ARHGAP8: variants seen among roughly 807,000 people sequenced by gnomAD.
ARHGAP8 encodes the protein Rho GTPase activating protein 8.
A neutral mutation model predicts 46.1 loss-of-function variants in ARHGAP8; 62 were observed. The observed-to-expected ratio is 1.34, with a 90% CI of 1.10 to 1.66. The LOEUF is 1.66. Ranked by LOEUF, ARHGAP8 falls within the 40% of genes most tolerant of loss-of-function variation. The probability of loss-of-function intolerance (pLI) is 0.00; values close to 1 mark genes in which losing one functional copy is unlikely to be tolerated. For synonymous variants in ARHGAP8, 375 were observed against 243.1 expected (o/e 1.54, Z -5.05); for missense variants, 923 against 568.4 (o/e 1.62, Z -6.34).
At chr22:44,860,116 G>T (rs796303866) in intron 11 of ARHGAP8, among the ~76,000 whole-genome samples, 1 of 152,094 alleles carries the variant, frequency 6.6e-6, no homozygotes, top group East Asian at 1.9e-4. Flanking sequence ...GGGGTCCTCT[G>T]CCCCCATGTC....
At chr22:44,857,902 A>C (rs528268342) in intron 10 of ARHGAP8, among the ~76,000 whole-genome samples, 2 of 144,082 alleles carry the variant, frequency 1.4e-5, no homozygotes, top group African/African-American at 5.2e-5. Context: ...CGCTCAGCTC[A>C]CCAGTCCTGC....
intron 10 of ARHGAP8, among the ~76,000 whole-genome samples, chr22:44,855,750 C>T (rs190375283): frequency 1.1e-3 from 168 of 152,306 alleles, no homozygotes; most frequent in African/African-American, 3.4e-3. Context: ...AGTTACCCCA[C>T]AGATAGCCAA....
chr22:44,855,889 G>T (rs887617855), intron 10 of ARHGAP8, among the ~76,000 whole-genome samples: 1 of 152,220 alleles, frequency 6.6e-6, no homozygotes, highest in African/African-American at 2.4e-5. Context: ...TCATGTTTCT[G>T]TAGGCTTTAT....
chr22:44,758,585 T>TA (rs1924874961), intron 1 of ARHGAP8, among the ~76,000 whole-genome samples: 1 of 151,524 alleles, frequency 6.6e-6, no homozygotes, highest in Non-Finnish European at 1.5e-5. Context: ...GTGGCTCACT[T>TA]ACTTTGTGCA....
intron 1 of ARHGAP8, chr22:44,786,182 G>A (rs576646839): frequency 8.2e-5 from 45 of 551,992 alleles, no homozygotes; most frequent in Non-Finnish European, 1.4e-4. Flanking sequence ...ATGGGTGCTC[G>A]GCTGAGGTAG....
intron 4 of ARHGAP8, among the ~76,000 whole-genome samples, chr22:44,811,082 GC>G (rs1929301021): frequency 1.3e-5 from 2 of 152,210 alleles, no homozygotes; most frequent in African/African-American, 4.8e-5. Context: ...CCAGAAATCA[GC>G]CCAGAGAAAC....
intron 1 of ARHGAP8, among the ~76,000 whole-genome samples, chr22:44,775,640 G>T (rs1262138956): frequency 3.3e-5 from 5 of 151,970 alleles, no homozygotes; most frequent in Admixed American, 3.3e-4. Flanking sequence ...AGTAGAGATG[G>T]GGTTTCATCA....
intron 7 of ARHGAP8, among the ~76,000 whole-genome samples, chr22:44,833,538 ATCT>A (rs1423918614): frequency 6.6e-6 from 1 of 152,138 alleles, no homozygotes; most frequent in African/African-American, 2.4e-5. Flanking sequence ...ATGGTGTATA[ATCT>A]TTTTCATATA....
intron 10 of ARHGAP8, among the ~76,000 whole-genome samples, chr22:44,854,078 T>C: frequency 7.3e-6 from 1 of 137,652 alleles, no homozygotes; most frequent in Admixed American, 7.6e-5. Flanking sequence ...AGACTTTGCC[T>C]GCAGTATCTG....
intron 2 of ARHGAP8, among the ~76,000 whole-genome samples, chr22:44,798,618 T>C (rs1175574364): frequency 6.6e-6 from 1 of 151,122 alleles, no homozygotes; most frequent in African/African-American, 2.4e-5. Context: ...GCCCCTTCCC[T>C]GAGGTCCACA....
intron 11 of ARHGAP8, 64 bp downstream of exon 11, chr22:44,859,898 C>T (rs893600558): frequency 1.0e-4 from 161 of 1,566,094 alleles, no homozygotes; most frequent in East Asian, 4.3e-4. Context: ...GCTGGGCCCG[C>T]ATGGACCAGT....
At chr22:44,770,674 G>A (rs1257513508) in intron 1 of ARHGAP8, among the ~76,000 whole-genome samples, 1 of 152,162 alleles carries the variant, frequency 6.6e-6, no homozygotes, top group Non-Finnish European at 1.5e-5. Flanking sequence ...CCAAAGTGCT[G>A]GGATTACAGG....
intron 7 of ARHGAP8, among the ~76,000 whole-genome samples, chr22:44,833,990 T>C (rs1189399083): frequency 6.6e-6 from 1 of 152,186 alleles, no homozygotes; most frequent in Non-Finnish European, 1.5e-5. Context: ...ATGTCACTAG[T>C]AATGTTTCCT....
intron 2 of ARHGAP8, among the ~76,000 whole-genome samples, chr22:44,787,964 A>C (rs1927394519): frequency 6.8e-6 from 1 of 147,594 alleles, no homozygotes. Flanking sequence ...CTTTTAAGAA[A>C]ACTTCTAGGA....
chr22:44,797,603 G>A (rs911557491), intron 2 of ARHGAP8, among the ~76,000 whole-genome samples: 3 of 152,236 alleles, frequency 2.0e-5, no homozygotes, highest in African/African-American at 4.8e-5. Context: ...AGAGGATGCT[G>A]TATTTGGAAG....
At chr22:44,770,546 C>G (rs1344118629) in intron 1 of ARHGAP8, among the ~76,000 whole-genome samples, 1 of 152,072 alleles carries the variant, frequency 6.6e-6, no homozygotes, top group African/African-American at 2.4e-5. Flanking sequence ...GCTGGGATTA[C>G]AGGTGTCTGC....
chr22:44,860,188 C>T (rs2070402231), intron 11 of ARHGAP8, among the ~76,000 whole-genome samples: 1 of 152,142 alleles, frequency 6.6e-6, no homozygotes, highest in Admixed American at 6.5e-5. Context: ...GTACAGAGCC[C>T]AGTGGACTGA....
intron 11 of ARHGAP8, among the ~76,000 whole-genome samples, chr22:44,862,074 G>C (rs1002809174): frequency 1.3e-5 from 2 of 152,206 alleles, no homozygotes; most frequent in African/African-American, 4.8e-5. Flanking sequence ...GGACATGGAG[G>C]CCAAGCCTTC....
At chr22:44,808,495 G>GC in intron 4 of ARHGAP8, 57 bp downstream of exon 4, 1 of 1,597,542 alleles carries the variant, frequency 6.3e-7, no homozygotes, top group Non-Finnish European at 8.5e-7. Context: ...GCAGGAGGAG[G>GC]CATTGTGGCC....
Sources: gnomAD v4.1 joint callset for allele counts (sites outside exome capture counted in the v4.1 genomes callset) on GRCh38, gnomAD v4.1.1 for gene constraint, MANE v1.5 for transcripts, NCBI Gene and HGNC (gene_info 2026-07-23, HGNC 2026-07-21) for gene names.